Variants in SYNJ2 observed in about 807,000 individuals in gnomAD.
SYNJ2 encodes polyphosphatidylinositol phosphatase SYNJ2.
SYNJ2 carries 116 observed loss-of-function variants against 141.3 expected under a neutral mutation model. The ratio of observed to expected loss-of-function variants is 0.82; its 90% CI spans 0.71 to 0.96. The LOEUF is 0.96. SYNJ2 is among the 40% of genes least tolerant of loss of function. SYNJ2 has a pLI of 0.00. For missense variants in SYNJ2, 1,873 were observed against 1,934.8 expected, an observed-to-expected ratio of 0.97 and a Z score of 0.60; for synonymous variants, 745 against 777.7, an observed-to-expected ratio of 0.96 and a Z score of 0.70.
rs747804505 is a variant in SYNJ2 at position 158,076,594 on chromosome 6, G to A, written c.2293-32G>A. 46 of 1,598,420 alleles carry A rather than the reference G, an allele frequency of 2.9e-5. No individual in the cohort carries two copies. The East Asian group carries it at 5.2e-4, about 18-fold the overall frequency. ...TATAACATTCAGGATCGAAAACTAC[G>A]GTGGCCTGATGACTTCTTTTTCTCC... On this transcript the variant is annotated intron_variant, in intron 16 of 26. Coordinates refer to ENST00000355585, the MANE Select transcript of SYNJ2 (RefSeq NM_003898.4).
At position 158,084,306 on chromosome 6, in the gene SYNJ2, A is replaced by C; in HGVS notation, c.3208+132A>C. ...GTCCCAGGAGAGACCTCAACCAGGC[A>C]GGCCAAGCGAGGGGTAGGGACTGAG... On this transcript the variant is annotated intron_variant, in intron 22 of 26. Transcript: ENST00000355585. This position sits in a 1 kb window ranked among gnomAD's most constrained non-coding sequence, Gnocchi z 5.0. 1 of 981,958 alleles carries C rather than the reference A, an allele frequency of 1.0e-6. No homozygotes were observed. The highest frequency in any genetic ancestry group is 1.5e-6 in the Non-Finnish European group (1 of 671,668). 60.8% of individuals were successfully genotyped at this position (981,958 alleles called of 1,614,324 possible). A position where few individuals can be genotyped will look rare whatever the true frequency, so the allele number is the denominator to read the frequency against.
chr6:158,033,527 C>G lies in SYNJ2; in HGVS notation c.558C>G (p.Cys186Trp), dbSNP rs201325150. The change falls in exon 4 of 27, where the codon TGC becomes TGG. Residue 186 changes from cysteine to tryptophan, a missense_variant. Coordinates refer to ENST00000355585, the MANE Select transcript of SYNJ2 (RefSeq NM_003898.4). Reference protein sequence around the residue: ...SCCDWLLKIICGVVTIRTVYA... With the variant: ...SCCDWLLKIIWGVVTIRTVYA... ...GTGACTGGCTGCTGAAGATCATCTG[C>G]GGGGTGGTCACCATCCGCACCGTGT... is the stretch of plus-strand genomic sequence containing the variant. 6 of 1,614,092 alleles carry G rather than the reference C, an allele frequency of 3.7e-6. No homozygotes were observed. In the East Asian group the frequency reaches 8.9e-5, roughly 24 times the overall value.
chr6:158,059,499 G>T (rs1016445017), intron 7 of SYNJ2, 146 bp downstream of exon 7: 5 of 1,457,978 alleles, frequency 3.4e-6, no homozygotes, highest in Non-Finnish European at 4.5e-6. Context: ...ATTCCGACCA[G>T]TGAACACGGC....
rs768955220 is a variant in SYNJ2 at position 158,076,661 on chromosome 6, T to G, written c.2328T>G (p.Phe776Leu). The change falls in exon 17 of 27, where the codon TTT becomes TTG. Residue 776 changes from phenylalanine (F) to leucine (L), a missense_variant. Transcript: ENST00000355585. ...ACTTTCACGAAGGAGCCATTAACTT[T>G]GGACCCACCTACAAGTATGACGTTG... ...FKDFHEGAIN[F>L]GPTYKYDVGS... The G allele has an allele frequency of 5.0e-6, 8 of 1,614,190 alleles. No homozygotes were observed. Among genetic ancestry groups the G allele is most frequent in the Non-Finnish European group, 6.8e-6 (8 of 1,180,022 alleles).
intron 1 of SYNJ2, among the ~76,000 whole-genome samples, chr6:158,014,406 G>T (rs1778372991): frequency 6.6e-6 from 1 of 152,232 alleles, no homozygotes; most frequent in Non-Finnish European, 1.5e-5. Context: ...TTGATTGATT[G>T]ACAAAAATGT....
intron 1 of SYNJ2, among the ~76,000 whole-genome samples, chr6:157,987,310 TATG>T (rs1777243419): frequency 6.6e-6 from 1 of 152,104 alleles, no homozygotes; most frequent in African/African-American, 2.4e-5. Flanking sequence ...GATTATATAT[TATG>T]GGGTACAAAG....
rs1017171717 is a variant in SYNJ2 at position 158,037,592 on chromosome 6, A to G, written c.711+3912A>G. Among the ~76,000 whole-genome samples the G allele has an allele frequency of 4.0e-5, 6 of 151,786 alleles. No homozygotes were observed. In the East Asian group the frequency reaches 7.8e-4, roughly 20 times the overall value. ...AATTTTTTGTATTTTTAGTAGAGAC[A>G]GGGTTTCACCGTGTTAGCCAGGATG... On this transcript the variant is annotated intron_variant, in intron 4 of 26. Coordinates refer to ENST00000355585, the MANE Select transcript of SYNJ2 (RefSeq NM_003898.4).
At chr6:158,076,910 A>G (rs1352948486) in intron 17 of SYNJ2, 128 bp downstream of exon 17, 1 of 1,188,540 alleles carries the variant, frequency 8.4e-7, no homozygotes, top group Non-Finnish European at 1.1e-6. Context: ...CAGATGACAC[A>G]AAAGTCATCC....
At position 158,027,186 on chromosome 6, in the gene SYNJ2, G is replaced by A. The variant is rs1779092544; in HGVS notation, c.215-1570G>A. The A allele has an allele frequency of 1.0e-6, 1 of 985,120 alleles. No individual in the cohort carries two copies. The highest frequency in any genetic ancestry group is 4.7e-5 in the South Asian group (1 of 21,292). 61.0% of individuals were successfully genotyped at this position (985,120 alleles called of 1,614,324 possible). A position where few individuals can be genotyped will look rare whatever the true frequency, so the allele number is the denominator to read the frequency against. The stretch of plus-strand genomic sequence containing the variant: ...GTGTGGTGAGGAAATTGGGGTGAGA[G>A]GGTGGTGGAACTGGTTGTTTTGGGG... On this transcript the variant is annotated intron_variant, in intron 2 of 26. Transcript: ENST00000355585. The surrounding 1 kb of genome is among the most constrained non-coding windows in gnomAD (Gnocchi z 4.6).
chr6:158,075,083 C>T (rs976970736), intron 16 of SYNJ2, among the ~76,000 whole-genome samples: 25 of 152,018 alleles, frequency 1.6e-4, no homozygotes, highest in African/African-American at 3.4e-4. Context: ...AGGCGTGTGC[C>T]GCCACACCTG....
intron 2 of SYNJ2, among the ~76,000 whole-genome samples, chr6:158,018,694 G>A (rs758180157): frequency 1.3e-4 from 20 of 152,180 alleles, no homozygotes; most frequent in South Asian, 4.1e-4. Context: ...AGAGCTAGCC[G>A]TACATTCACT....
At chr6:158,065,626 A>G (rs1781517942) in intron 11 of SYNJ2, among the ~76,000 whole-genome samples, 1 of 152,244 alleles carries the variant, frequency 6.6e-6, no homozygotes, top group Non-Finnish European at 1.5e-5. Flanking sequence ...GTGTCGCTTT[A>G]GAAATGTCAG....
chr6:157,984,843 T>C (rs931964773), intron 1 of SYNJ2, among the ~76,000 whole-genome samples: 1 of 152,238 alleles, frequency 6.6e-6, no homozygotes, highest in Non-Finnish European at 1.5e-5. Flanking sequence ...GTAGCTTCCT[T>C]TTCTCTTCAG....
At chr6:157,992,907 G>A (rs1777504581) in intron 1 of SYNJ2, among the ~76,000 whole-genome samples, 1 of 152,178 alleles carries the variant, frequency 6.6e-6, no homozygotes, top group Non-Finnish European at 1.5e-5. Flanking sequence ...ACTAACATGG[G>A]AGTGCAGACA....
At position 158,081,160 on chromosome 6, in the gene SYNJ2, T is replaced by A. The variant is rs1213305837; in HGVS notation, c.2619T>A (p.Ala873=). 1 of 1,613,994 alleles carries A rather than the reference T, an allele frequency of 6.2e-7. No individual in the cohort carries two copies. The highest frequency in any genetic ancestry group is 8.5e-7 in the Non-Finnish European group (1 of 1,179,930). The stretch of plus-strand genomic sequence containing the variant: ...AAGTTCAGGAAGTCGATGTGGGTGC[T>A]CGGGAGAGGGTTTTCCAGGAAGTGT... The part of the protein sequence containing the change: ...EVEVQEVDVG[A]RERVFQEVSS... Residue 873 remains alanine, a synonymous_variant, in exon 19 of 27, where the codon GCT becomes GCA. Coordinates refer to ENST00000355585, the MANE Select transcript of SYNJ2 (RefSeq NM_003898.4).
chr6:158,003,849 G>A (rs1052934998), intron 1 of SYNJ2, among the ~76,000 whole-genome samples: 1 of 152,118 alleles, frequency 6.6e-6, no homozygotes, highest in Non-Finnish European at 1.5e-5. Context: ...CACATTTGCT[G>A]TGCTGTGGGA....
intron 1 of SYNJ2, among the ~76,000 whole-genome samples, chr6:158,010,036 C>T (rs1290777563): frequency 6.6e-6 from 1 of 152,226 alleles, no homozygotes; most frequent in African/African-American, 2.4e-5. Flanking sequence ...GCTATCTCAG[C>T]CTCCCAAGTA....
At position 157,982,071 on chromosome 6, in the gene SYNJ2, G is replaced by A; in HGVS notation, c.110G>A (p.Gly37Asp). ...GACGACTGCCTGCTGTTCGAGGCCG[G>A]CACGGTGGCCACGCTGGGTGAGTCC... ...GRDDCLLFEA[G>D]TVATLAPEEK... Residue 37 changes from glycine to aspartate, a missense_variant, in exon 1 of 27, where the codon GGC becomes GAC. Physicochemically the swap from Gly to Asp is moderately conservative, Grantham distance 94. Coordinates refer to ENST00000355585, the MANE Select transcript of SYNJ2 (RefSeq NM_003898.4). This position sits in a 1 kb window ranked among gnomAD's most constrained non-coding sequence, Gnocchi z 4.0. 1 of 1,337,260 alleles carries A rather than the reference G, an allele frequency of 7.5e-7. No homozygotes were observed. The allele number at this position is 1,337,260 out of a possible 1,614,324, so 82.8% of individuals were successfully genotyped here.
At chr6:158,050,429 G>C (rs1437953334) in intron 5 of SYNJ2, among the ~76,000 whole-genome samples, 2 of 152,244 alleles carry the variant, frequency 1.3e-5, no homozygotes, top group Non-Finnish European at 2.9e-5. Context: ...TCACCCGGGG[G>C]TGGTGCTCCC....
Sources: allele counts gnomAD v4.1 joint callset (sites outside exome capture counted in the v4.1 genomes callset), GRCh38; gene constraint gnomAD v4.1.1; non-coding constraint Gnocchi (gnomAD v3.1); transcripts MANE v1.5; gene names NCBI Gene and HGNC (gene_info 2026-07-23, HGNC 2026-07-21).